The following IRAG1 variants were observed in gnomAD, a reference collection of about 807,000 sequenced individuals.
IRAG1 encodes the protein inositol 1,4,5-triphosphate receptor associated 1.
Under a neutral mutation model 106.2 loss-of-function variants are expected in IRAG1, and 62 were observed. That is an observed-to-expected ratio of 0.58 (90% confidence interval 0.48 to 0.72). The LOEUF is 0.72. Ranked by LOEUF, IRAG1 falls within the 30% of genes least tolerant of loss-of-function variation. The pLI is 0.00. For synonymous variants in IRAG1, 462 were observed against 443.9 expected, an observed-to-expected ratio of 1.04 and a Z score of -0.51; for missense variants, 1,064 against 1,140.7, an observed-to-expected ratio of 0.93 and a Z score of 0.97.
chr11:10,580,452 C>T lies in IRAG1; in HGVS notation c.2495+3G>A, dbSNP rs766865928. ...GCAAGGACTCCAAACACAGGCTTCC[C>T]ACCTGCTTCTTGGGCCCTTTTCCTC... On this transcript the variant is annotated splice_donor_region_variant and intron_variant, in intron 20 of 20. Transcript: ENST00000423302. 4 of 1,610,762 alleles carry T rather than the reference C, an allele frequency of 2.5e-6. No homozygotes were observed. Among genetic ancestry groups the T allele is most frequent in the Admixed American group, 3.4e-5 (2 of 59,164 alleles).
At chr11:10,646,759 C>G (rs1316873175) in intron 2 of IRAG1, among the ~76,000 whole-genome samples, 1 of 152,176 alleles carries the variant, frequency 6.6e-6, no homozygotes, top group Non-Finnish European at 1.5e-5. Context: ...GAATGAAACA[C>G]AAAGTGGATG....
At chr11:10,690,305 G>C in intron 1 of IRAG1, 1 of 993,956 alleles carries the variant, frequency 1.0e-6, no homozygotes, top group Non-Finnish European at 1.4e-6. Context: ...CATGAGAATT[G>C]CTTGAACCCG....
chr11:10,574,863 C>T lies in IRAG1; in HGVS notation c.*1469G>A, dbSNP rs1321464081. 1 of 152,110 alleles carries T rather than the reference C, an allele frequency of 6.6e-6. No homozygotes were observed. Among genetic ancestry groups the T allele is most frequent in the African/African-American group, 2.4e-5 (1 of 41,420 alleles). The allele number at this position is 152,110 out of a possible 1,614,324, so 9.4% of individuals were successfully genotyped here. ...GAGCTCCAGCCCCATGATTTACTACCGGGGTGTCCTTGTCAAGTTACTTGT... is the reference window on the plus strand; with the variant it reads ...GAGCTCCAGCCCCATGATTTACTACTGGGGTGTCCTTGTCAAGTTACTTGT... On this transcript the variant is annotated 3_prime_UTR_variant, in exon 21 of 21. Transcript: ENST00000423302.
chr11:10,581,258 T>G (rs1372198049), intron 19 of IRAG1, among the ~76,000 whole-genome samples: 1 of 152,136 alleles, frequency 6.6e-6, no homozygotes, highest in Non-Finnish European at 1.5e-5. Flanking sequence ...TCTGTGCCAG[T>G]GGGAAGCTAT....
intron 12 of IRAG1, among the ~76,000 whole-genome samples, chr11:10,604,756 C>T (rs1854337503): frequency 6.6e-6 from 1 of 152,216 alleles, no homozygotes; most frequent in South Asian, 2.1e-4. Flanking sequence ...AGGCCCTTCC[C>T]AGAACCGGAG....
In IRAG1 at chr11:10,623,632, A is replaced by C. The variant is rs1856004019; in HGVS notation, c.1447+146T>G. 6 of 769,512 alleles carry C rather than the reference A, an allele frequency of 7.8e-6. No individual in the cohort carries two copies. In the Admixed American group the frequency reaches 1.1e-4, roughly 14 times the overall value. 47.7% of individuals were successfully genotyped at this position (769,512 alleles called of 1,614,324 possible). On this transcript the variant is annotated intron_variant, in intron 10 of 20. Transcript: ENST00000423302. ...GCAGGTTTGGAGGTGCTGAGCGGGC[A>C]GAAGACACAATCGGATTCATTCATT...
intron 18 of IRAG1, chr11:10,586,108 A>T (rs1851946337): frequency 1.3e-5 from 2 of 151,834 alleles, no homozygotes; most frequent in East Asian, 1.9e-4. Context: ...CCCTCTTTTC[A>T]AGGCTGCTTG....
intron 1 of IRAG1, among the ~76,000 whole-genome samples, chr11:10,669,068 G>A (rs1712254368): frequency 6.6e-6 from 1 of 152,188 alleles, no homozygotes; most frequent in South Asian, 2.1e-4. Flanking sequence ...GTGTACAAAT[G>A]GATGGTCTAA....
At chr11:10,678,455 C>T (rs1006646170) in intron 1 of IRAG1, among the ~76,000 whole-genome samples, 1 of 152,012 alleles carries the variant, frequency 6.6e-6, no homozygotes, top group African/African-American at 2.4e-5. Context: ...TAATTTATTC[C>T]TCACAGAAAT....
chr11:10,684,551 T>C (rs1861513695), intron 1 of IRAG1, among the ~76,000 whole-genome samples: 1 of 151,012 alleles, frequency 6.6e-6, no homozygotes, highest in South Asian at 2.1e-4. Flanking sequence ...GGCACATGTA[T>C]ACATATGTAA....
intron 3 of IRAG1, 129 bp from the exon 4 acceptor site, chr11:10,632,190 CTTTT>C (rs35138815): frequency 1.3e-3 from 755 of 561,752 alleles, no homozygotes; most frequent in East Asian, 1.8e-3. Flanking sequence ...TTCTTTCTTT[CTTTT>C]TTTTTTTTTT....
chr11:10,630,409 T>C (rs918847428), intron 4 of IRAG1, among the ~76,000 whole-genome samples: 2 of 151,794 alleles, frequency 1.3e-5, no homozygotes, highest in African/African-American at 4.8e-5. Context: ...TCTCACTCTG[T>C]GGCCCAGGCT....
At chr11:10,680,268 A>T (rs1861048712) in intron 1 of IRAG1, among the ~76,000 whole-genome samples, 1 of 131,598 alleles carries the variant, frequency 7.6e-6, no homozygotes, top group Non-Finnish European at 1.6e-5. Context: ...AATGAAACTG[A>T]GGAAAGAAAG....
At chr11:10,690,193 C>A in intron 1 of IRAG1, 1 of 324,628 alleles carries the variant, frequency 3.1e-6, no homozygotes, top group African/African-American at 2.3e-5. Context: ...AGTTCGAGAC[C>A]AGCCTGGGCA....
At chr11:10,577,036 GTAA>G (rs1850891410) in intron 20 of IRAG1, among the ~76,000 whole-genome samples, 1 of 152,142 alleles carries the variant, frequency 6.6e-6, no homozygotes, top group Admixed American at 6.5e-5. Context: ...CCTCAGATGC[GTAA>G]TTCATTGTTC....
At chr11:10,626,674 A>C in intron 8 of IRAG1, 91 bp from the exon 9 acceptor site, 2 of 1,410,932 alleles carry the variant, frequency 1.4e-6, no homozygotes, top group Non-Finnish European at 1.9e-6. Flanking sequence ...CTGCCCCCAC[A>C]CACCTTGCCA....
chr11:10,620,085 A>G (rs2134498830), intron 10 of IRAG1, among the ~76,000 whole-genome samples: 2 of 152,294 alleles, frequency 1.3e-5, no homozygotes, highest in South Asian at 4.1e-4. Context: ...CTTTTAACCA[A>G]TCAATTGCAA....
chr11:10,592,264 T>G (rs150702073), intron 17 of IRAG1, among the ~76,000 whole-genome samples: 4 of 152,352 alleles, frequency 2.6e-5, no homozygotes, highest in Non-Finnish European at 4.4e-5. Context: ...AAGTACCCTG[T>G]GTGGTTTTTA....
At chr11:10,685,895 A>C (rs1861630619) in intron 1 of IRAG1, among the ~76,000 whole-genome samples, 1 of 152,178 alleles carries the variant, frequency 6.6e-6, no homozygotes, top group Admixed American at 6.5e-5. Context: ...GAAGTCTCTT[A>C]GAAGCCAACT....
Sources: allele counts gnomAD v4.1 joint callset (sites outside exome capture counted in the v4.1 genomes callset), GRCh38; gene constraint gnomAD v4.1.1; transcripts MANE v1.5; gene names NCBI Gene and HGNC (gene_info 2026-07-23, HGNC 2026-07-21).